The following FRRS1 variants were observed in gnomAD, a reference collection of about 807,000 sequenced individuals.
The protein encoded by FRRS1 is ferric reductase 1.
A neutral mutation model predicts 70.7 loss-of-function variants in FRRS1; 51 were observed. That is an observed-to-expected ratio of 0.72 (90% confidence interval 0.58 to 0.91). The LOEUF (loss-of-function observed/expected upper bound fraction) is 0.91. Among genes scored for constraint, FRRS1 ranks in the 40% least tolerant of loss-of-function variants. FRRS1 has a pLI of 0.00. For synonymous variants in FRRS1, 225 were observed against 238.7 expected (o/e 0.94, Z 0.53); for missense variants, 672 against 726.0 (o/e 0.93, Z 0.86).
At chr1:99,764,503 A>C (rs1283102108) in intron 1 of FRRS1, among the ~76,000 whole-genome samples, 1 of 152,200 alleles carries the variant, frequency 6.6e-6, no homozygotes, top group African/African-American at 2.4e-5. Context: ...TCTATTTTCA[A>C]ACATTCTATG....
rs766152044 is a variant in FRRS1, at chr1:99,719,647, C to T, written c.1007G>A (p.Gly336Asp). 4 of 1,511,986 alleles carry T rather than the reference C, an allele frequency of 2.6e-6. No individual in the cohort carries two copies. Among genetic ancestry groups the T allele is most frequent in the Middle Eastern group, 1.7e-4 (1 of 5,886 alleles). 93.7% of individuals were successfully genotyped at this position (1,511,986 alleles called of 1,614,324 possible). The change falls in exon 10 of 17, where the codon GGT (glycine) becomes GAT (aspartate). Residue 336 changes from glycine to aspartate, a missense_variant and splice_region_variant. Transcript: ENST00000646001. ...TTGCTGAGAGTGCTTGTAAATTCGA[C>T]CTGCAAATTAAAAACAAAATTAAAC... ...IFLADGAANDGRIYKHSQQPL... is the reference protein window; with the variant it reads ...IFLADGAANDDRIYKHSQQPL...
intron 1 of FRRS1, among the ~76,000 whole-genome samples, chr1:99,751,675 G>T (rs1216651973): frequency 2.0e-5 from 3 of 151,990 alleles, no homozygotes; most frequent in Non-Finnish European, 2.9e-5. Flanking sequence ...AAGTGAAGAA[G>T]AAATAGGAAG....
At chr1:99,727,164 T>C (rs1214199442) in intron 9 of FRRS1, among the ~76,000 whole-genome samples, 2 of 152,238 alleles carry the variant, frequency 1.3e-5, no homozygotes, top group Non-Finnish European at 2.9e-5. Context: ...CTCTAGCTTG[T>C]ATTTTATGAA....
chr1:99,744,035 G>C (rs564573982), intron 4 of FRRS1, among the ~76,000 whole-genome samples: 1 of 125,820 alleles, frequency 7.9e-6, no homozygotes, highest in Non-Finnish European at 1.6e-5. Flanking sequence ...GCCATATCAA[G>C]ATAAATGAAT....
chr1:99,721,639 C>T (rs921466495), intron 9 of FRRS1, among the ~76,000 whole-genome samples: 5 of 150,604 alleles, frequency 3.3e-5, no homozygotes, highest in African/African-American at 1.2e-4. Flanking sequence ...CACTCTGTCG[C>T]CCAGGCTGGA....
chr1:99,752,144 A>G (rs1385016433), intron 1 of FRRS1, among the ~76,000 whole-genome samples: 1 of 152,198 alleles, frequency 6.6e-6, no homozygotes, highest in Non-Finnish European at 1.5e-5. Flanking sequence ...AACTTTCTCC[A>G]TATCAACAAT....
chr1:99,730,600 G>T (rs995074731), intron 7 of FRRS1, among the ~76,000 whole-genome samples: 1 of 152,064 alleles, frequency 6.6e-6, no homozygotes, highest in African/African-American at 2.4e-5. Flanking sequence ...GGGCGAGGTG[G>T]CTCACGCCTG....
At position 99,742,146 on chromosome 1, in the gene FRRS1, G is replaced by T. The variant is rs779218173; in HGVS notation, c.428+33C>A. ...TGGGATTATAGGCATGAGCCACCATGCCTGGCCCAGAATTATAAACTCTTA... is the reference window on the plus strand; with the variant it reads ...TGGGATTATAGGCATGAGCCACCATTCCTGGCCCAGAATTATAAACTCTTA... On this transcript the variant is annotated intron_variant, in intron 5 of 16. Coordinates refer to ENST00000646001, the MANE Select transcript of FRRS1 (RefSeq NM_001361041.2). 2.2e-6 allele frequency: 3 copies of T among 1,356,444 alleles called. No homozygotes were observed. The East Asian group carries it at 6.9e-5, about 31-fold the overall frequency. The allele number at this position is 1,356,444 out of a possible 1,614,324, so 84.0% of individuals were successfully genotyped here.
intron 6 of FRRS1, among the ~76,000 whole-genome samples, chr1:99,739,828 C>T (rs1321243780): frequency 6.6e-6 from 1 of 151,848 alleles, no homozygotes; most frequent in Admixed American, 6.6e-5. Flanking sequence ...TTAGGCAAGT[C>T]AGTATTTAGG....
intron 6 of FRRS1, among the ~76,000 whole-genome samples, chr1:99,739,978 C>T (rs1655873246): frequency 6.6e-6 from 1 of 152,066 alleles, no homozygotes; most frequent in South Asian, 2.1e-4. Flanking sequence ...ATATGCATAA[C>T]ACTTTCCAAG....
intron 6 of FRRS1, 71 bp from the exon 7 acceptor site, chr1:99,738,339 T>C (rs759103658): frequency 2.9e-5 from 33 of 1,123,082 alleles, no homozygotes; most frequent in Non-Finnish European, 3.8e-5. Context: ...GACAGAAGAA[T>C]AACTACCTTC....
At chr1:99,712,018 C>A in intron 14 of FRRS1, 87 bp downstream of exon 14, 1 of 822,750 alleles carries the variant, frequency 1.2e-6, no homozygotes, top group Admixed American at 2.2e-5. Flanking sequence ...ATTACTAATG[C>A]ATCTAAAAAT....
intron 1 of FRRS1, among the ~76,000 whole-genome samples, chr1:99,754,154 T>G (rs1185330369): frequency 6.6e-6 from 1 of 152,164 alleles, no homozygotes; most frequent in Non-Finnish European, 1.5e-5. Flanking sequence ...GAGAAATAGA[T>G]GAATCCACTA....
chr1:99,750,263 C>T (rs1055821218), intron 1 of FRRS1, among the ~76,000 whole-genome samples: 1 of 152,188 alleles, frequency 6.6e-6, no homozygotes, highest in Non-Finnish European at 1.5e-5. Flanking sequence ...AGTTCTCCTC[C>T]TCCCTCTCCT....
chr1:99,745,991 C>T (rs369494249), intron 4 of FRRS1, among the ~76,000 whole-genome samples: 7 of 109,420 alleles, frequency 6.4e-5, no homozygotes, highest in African/African-American at 4.6e-4. Context: ...CTAAGGCCTC[C>T]CCAGAAGCTG....
At chr1:99,726,246 TG>T (rs1376390874) in intron 9 of FRRS1, among the ~76,000 whole-genome samples, 1 of 152,192 alleles carries the variant, frequency 6.6e-6, no homozygotes, top group Non-Finnish European at 1.5e-5. Flanking sequence ...CTGCCATGAT[TG>T]TAAGTTTCCT....
chr1:99,712,473 A>G lies in FRRS1; in HGVS notation c.1366T>C (p.Leu456=). The change falls in exon 13 of 17, where the codon TTG becomes CTG. Residue 456 remains leucine (L), a synonymous_variant. Transcript: ENST00000646001. ...GCCAGAAGAGGCTGAAGAACTGCCA[A>G]AGTCATCACTATACAGCCGAGGTAT... ...HPYLGCIVMT[L]AVLQPLLAVF... 3 of 1,613,532 alleles carry G rather than the reference A, an allele frequency of 1.9e-6. No homozygotes were observed. The highest frequency in any genetic ancestry group is 2.5e-6 in the Non-Finnish European group (3 of 1,179,714).
At position 99,704,482 on chromosome 1, in the gene FRRS1, G is replaced by C. The variant is rs746607418; in HGVS notation, c.*4546C>G. On this transcript the variant is annotated 3_prime_UTR_variant, in exon 17 of 17. Transcript: ENST00000646001. ...CAGGAAAGGAGGGAAAGGAAGTGCT[G>C]GGTAGAGGAGGGCGTGGTCCCTGGC... Among the ~76,000 whole-genome samples, 1 of 152,280 alleles carries C rather than the reference G, an allele frequency of 6.6e-6. No homozygotes were observed. The highest frequency in any genetic ancestry group is 1.5e-5 in the Non-Finnish European group (1 of 68,004).
intron 6 of FRRS1, 88 bp from the exon 7 acceptor site, chr1:99,738,356 G>A (rs1220506115): frequency 6.6e-5 from 57 of 861,728 alleles, no homozygotes; most frequent in Non-Finnish European, 8.7e-5. Context: ...CTTCAAGTAC[G>A]GGTAGCTCCC....
Sources: gnomAD v4.1 joint callset for allele counts (sites outside exome capture counted in the v4.1 genomes callset) on GRCh38, gnomAD v4.1.1 for gene constraint, MANE v1.5 for transcripts, NCBI Gene and HGNC (gene_info 2026-07-23, HGNC 2026-07-21) for gene names.